Variants in ASXL3 observed in about 807,000 individuals in gnomAD.
ASXL3 encodes the protein ASXL transcriptional regulator 3, also known as putative Polycomb group protein ASXL3.
In ASXL3, 34 loss-of-function variants were observed where a neutral mutation model predicts 170.6. That is an observed-to-expected ratio of 0.20 (90% CI 0.15 to 0.27). ASXL3 has a LOEUF of 0.27. ASXL3 is among the 10% of genes least tolerant of loss of function. ASXL3 has a pLI of 1.00. For missense variants in ASXL3, 2,592 were observed against 2,695.3 expected, an observed-to-expected ratio of 0.96 and a Z score of 0.85; for synonymous variants, 1,002 against 989.1, an observed-to-expected ratio of 1.01 and a Z score of -0.24.
intron 10 of ASXL3, 79 bp from the exon 11 acceptor site, chr18:33,738,408 T>C (rs773709522): frequency 3.6e-4 from 486 of 1,350,742 alleles, no homozygotes; most frequent in Non-Finnish European, 4.5e-4. Flanking sequence ...TTCTATTGAA[T>C]ACTACATTCA....
Position 33,643,100 on chromosome 18 carries a change from C to T in ASXL3, c.138-1794C>T, listed in dbSNP as rs142312393. On this transcript the variant is annotated intron_variant, in intron 2 of 11. Transcript: ENST00000269197. The stretch of plus-strand genomic sequence containing the variant: ...TTAACATCTTCTTGCCAAGTCCCTA[C>T]GGAAAGTCTGTATTTCTGACAGTTC... Among the ~76,000 whole-genome samples the T allele has an allele frequency of 5.5e-3, 833 of 151,890 alleles. 9 individuals are homozygous for T. Among genetic ancestry groups the T allele is most frequent in the African/African-American group, 0.019 (786 of 41,516 alleles).
At chr18:33,669,250 A>G (rs747331808) in intron 5 of ASXL3, among the ~76,000 whole-genome samples, 129 of 152,186 alleles carry the variant, frequency 8.5e-4, no homozygotes, top group Non-Finnish European at 8.8e-4. Flanking sequence ...TTTATAACAC[A>G]TATGTCCTCA....
intron 11 of ASXL3, 73 bp downstream of exon 11, chr18:33,740,516 G>A (rs969817528): frequency 7.3e-6 from 10 of 1,362,118 alleles, no homozygotes; most frequent in South Asian, 1.7e-5. Flanking sequence ...TTTTTCAAGA[G>A]TAATTAGATT....
At position 33,744,910 on chromosome 18, in the gene ASXL3, G is replaced by A. The variant is rs1425318716; in HGVS notation, c.5062G>A (p.Gly1688Ser). 6.2e-7 allele frequency: 1 copy of A among 1,613,854 alleles called. No individual in the cohort carries two copies. Among genetic ancestry groups the A allele is most frequent in the Non-Finnish European group, 8.5e-7 (1 of 1,179,892 alleles). The change falls in exon 12 of 12, where the codon GGC (glycine) becomes AGC (serine). Residue 1688 changes from glycine (G) to serine (S), a missense_variant. This residue lies in a region of ASXL3 where 2,246 missense variants were observed against 2,219.6 expected (regional missense o/e 1.01). Transcript: ENST00000269197. ...TAGAATGGACACTGAAGACTTCCCT[G>A]GCCCTGAGCTGCCTCCTCCGGCTGC... ...GFRMDTEDFPGPELPPPAAEG... is the reference protein window; with the variant it reads ...GFRMDTEDFPSPELPPPAAEG...
At position 33,743,505 on chromosome 18, in the gene ASXL3, T is replaced by C; in HGVS notation, c.3657T>C (p.Ser1219=). 6.2e-7 allele frequency: 1 copy of C among 1,613,596 alleles called. No homozygotes were observed. The highest frequency in any genetic ancestry group is 8.5e-7 in the Non-Finnish European group (1 of 1,179,842). The change falls in exon 12 of 12, where the codon TCT becomes TCC. Residue 1219 remains serine, a synonymous_variant. Transcript: ENST00000269197. The part of the protein sequence containing the change: ...VSHLSEKIVS[S]TSSENSSVPM... ...ATTTATCTGAGAAAATTGTTTCATC[T>C]ACCTCTTCTGAAAATAGCAGTGTGC...
At position 33,672,101 on chromosome 18, in the gene ASXL3, A is replaced by G. The variant is rs540276599; in HGVS notation, c.715+235A>G. Among the ~76,000 whole-genome samples the G allele has an allele frequency of 2.6e-5, 4 of 152,184 alleles. No individual in the cohort carries two copies. The South Asian group carries it at 8.3e-4, about 32-fold the overall frequency. ...AATATTGGATGAAGCAGAGGGTAAA[A>G]ATGAGACTTAAAATGATACATGTAA... On this transcript the variant is annotated intron_variant, in intron 7 of 11. Transcript: ENST00000269197.
chr18:33,608,229 G>A (rs2145125056), intron 2 of ASXL3, among the ~76,000 whole-genome samples: 1 of 151,940 alleles, frequency 6.6e-6, no homozygotes, highest in East Asian at 2.0e-4. Context: ...TCAAACTTTA[G>A]AACATTTTCA....
intron 1 of ASXL3, among the ~76,000 whole-genome samples, chr18:33,601,075 T>C (rs1484994980): frequency 6.6e-6 from 1 of 152,150 alleles, no homozygotes; most frequent in African/African-American, 2.4e-5. Flanking sequence ...GGCTTTCCTG[T>C]GCCTCATTGG....
intron 1 of ASXL3, among the ~76,000 whole-genome samples, chr18:33,586,610 C>G (rs1056090447): frequency 6.6e-6 from 1 of 152,010 alleles, no homozygotes; most frequent in Non-Finnish European, 1.5e-5. Flanking sequence ...TCAGTTGCCC[C>G]TTTAGTGTTG....
chr18:33,636,620 A>G (rs1344651732), intron 2 of ASXL3, among the ~76,000 whole-genome samples: 3 of 152,110 alleles, frequency 2.0e-5, no homozygotes, highest in East Asian at 3.9e-4. Flanking sequence ...TGCATCAGTC[A>G]TGGGTACTGG....
rs764906167 is a variant in ASXL3, at chr18:33,646,306, A to G, written c.308A>G (p.Asp103Gly). The G allele has an allele frequency of 2.5e-5, 40 of 1,611,470 alleles. No homozygotes were observed. The South Asian group carries it at 4.3e-4, about 17-fold the overall frequency. Reference protein sequence around the residue: ...TLDLVCESELDGTDMAEANAH... With the variant: ...TLDLVCESELGGTDMAEANAH... The stretch of plus-strand genomic sequence containing the variant: ...GATTTAGTCTGTGAATCTGAATTGG[A>G]TGGTACAGATATGGCCGAGGCAAAT... Residue 103 changes from aspartate (D) to glycine (G), a missense_variant, in exon 4 of 12, where the codon GAT becomes GGT. Physicochemically the swap from Asp to Gly is moderately conservative, Grantham distance 94 (BLOSUM62 -1). This residue lies in a region of ASXL3 where 251 missense variants were observed against 281.9 expected (regional missense o/e 0.89). Transcript: ENST00000269197.
At chr18:33,696,320 T>C (rs2066772681) in intron 8 of ASXL3, among the ~76,000 whole-genome samples, 1 of 152,128 alleles carries the variant, frequency 6.6e-6, no homozygotes, top group Non-Finnish European at 1.5e-5. Context: ...AAATCAACAG[T>C]GTAATGACGT....
intron 1 of ASXL3, among the ~76,000 whole-genome samples, chr18:33,583,743 T>C (rs900379955): frequency 6.6e-6 from 1 of 152,220 alleles, no homozygotes; most frequent in African/African-American, 2.4e-5. Flanking sequence ...CTGTGGCTTT[T>C]AGACTTGTAG....
At chr18:33,642,451 T>C (rs1467330428) in intron 2 of ASXL3, among the ~76,000 whole-genome samples, 1 of 151,984 alleles carries the variant, frequency 6.6e-6, no homozygotes, top group Non-Finnish European at 1.5e-5. Flanking sequence ...ACTCGTGTGC[T>C]TAAAACTAAG....
rs1311852660 is a variant in ASXL3 at position 33,731,964 on chromosome 18, C to G, written c.880-4C>G. 1.2e-6 allele frequency: 2 copies of G among 1,602,920 alleles called. No individual in the cohort carries two copies. Among genetic ancestry groups the G allele is most frequent in the African/African-American group, 2.7e-5 (2 of 74,032 alleles). ...ACCTTGTTTTTGTCGGCTTATTTTC[C>G]TAGATGGGAAGTGATGGAATTTTAC... On this transcript the variant is annotated splice_region_variant and splice_polypyrimidine_tract_variant and intron_variant, in intron 8 of 11. Coordinates refer to ENST00000269197, the MANE Select transcript of ASXL3 (RefSeq NM_030632.3).
At chr18:33,708,564 T>G (rs2067002938) in intron 8 of ASXL3, among the ~76,000 whole-genome samples, 1 of 152,198 alleles carries the variant, frequency 6.6e-6, no homozygotes, top group Non-Finnish European at 1.5e-5. Context: ...GATTTTGTAC[T>G]GGATAATCCT....
intron 8 of ASXL3, among the ~76,000 whole-genome samples, chr18:33,714,770 GAC>G (rs779107263): frequency 4.0e-5 from 6 of 151,678 alleles, no homozygotes; most frequent in Non-Finnish European, 7.4e-5. Context: ...CTCTCCATCT[GAC>G]ACACATGAAT....
intron 7 of ASXL3, among the ~76,000 whole-genome samples, chr18:33,673,498 T>C (rs186196975): frequency 6.6e-6 from 1 of 151,784 alleles, no homozygotes; most frequent in Admixed American, 6.6e-5. Context: ...CTCAGCCTCC[T>C]GAGTAGCTGA....
chr18:33,598,976 T>A (rs1344545292), intron 1 of ASXL3, among the ~76,000 whole-genome samples: 2 of 152,138 alleles, frequency 1.3e-5, no homozygotes, highest in Non-Finnish European at 2.9e-5. Context: ...TGTGATAGGG[T>A]TGTTAAAAGT....
Sources: gnomAD v4.1 joint callset for allele counts (sites outside exome capture counted in the v4.1 genomes callset) on GRCh38, gnomAD v4.1.1 for gene constraint, gnomAD v4.1.1 regional missense constraint, MANE v1.5 for transcripts, NCBI Gene and HGNC (gene_info 2026-07-23, HGNC 2026-07-21) for gene names.